PITPNA: variants seen among roughly 807,000 people sequenced by gnomAD.
PITPNA encodes phosphatidylinositol transfer protein alpha.
A neutral mutation model predicts 50.3 loss-of-function variants in PITPNA; 13 were observed. The ratio of observed to expected loss-of-function variants is 0.26; its 90% CI spans 0.17 to 0.41. The LOEUF (loss-of-function observed/expected upper bound fraction) is 0.41, where lower values mean the gene tolerates loss of function less well. Among genes scored for constraint, PITPNA ranks in the 10% least tolerant of loss-of-function variants. PITPNA has a pLI of 1.00. For synonymous variants in PITPNA, 120 were observed against 119.6 expected, an observed-to-expected ratio of 1.00 and a Z score of -0.02; for missense variants, 207 against 333.4, an observed-to-expected ratio of 0.62 and a Z score of 2.95.
chr17:1,532,230 G>A (rs926387877), intron 10 of PITPNA, among the ~76,000 whole-genome samples: 1 of 152,124 alleles, frequency 6.6e-6, no homozygotes. Context: ...TGGGATTACA[G>A]GTGTCCGCCA....
intron 10 of PITPNA, among the ~76,000 whole-genome samples, chr17:1,523,490 TGCCACCACGCCTG>T (rs1378046338): frequency 2.0e-5 from 3 of 147,404 alleles, no homozygotes; most frequent in South Asian, 4.3e-4. Flanking sequence ...TACAGGCATG[TGCCACCACGCCTG>T]GCTTTTTTTT....
chr17:1,529,016 T>C (rs1004106664), intron 10 of PITPNA, among the ~76,000 whole-genome samples: 18 of 151,142 alleles, frequency 1.2e-4, no homozygotes, highest in African/African-American at 4.1e-4. Context: ...CGCACACCTG[T>C]AATCCCAGCT....
At chr17:1,561,051 T>C (rs2075765396) in intron 1 of PITPNA, 1 of 152,342 alleles carries the variant, frequency 6.6e-6, no homozygotes, top group Admixed American at 6.5e-5. Flanking sequence ...TGCTCTCTGT[T>C]TGACCATCTC....
At chr17:1,553,183 G>A (rs746017727) in intron 2 of PITPNA, 34 bp from the exon 3 acceptor site, 69 of 1,611,066 alleles carry the variant, frequency 4.3e-5, no homozygotes, top group East Asian at 2.2e-4. Context: ...TTCTCAACAC[G>A]GACCCTTCTC....
chr17:1,560,021 T>C (rs780789564), intron 1 of PITPNA, among the ~76,000 whole-genome samples: 11 of 152,158 alleles, frequency 7.2e-5, no homozygotes, highest in Non-Finnish European at 1.2e-4. Context: ...AGAACAGCAG[T>C]CAAAATCACA....
chr17:1,561,375 C>G (rs2075767271), intron 1 of PITPNA: 1 of 152,272 alleles, frequency 6.6e-6, no homozygotes, highest in South Asian at 2.1e-4. Context: ...AGCTCCCCAC[C>G]CCTTCCACCA....
intron 1 of PITPNA, among the ~76,000 whole-genome samples, chr17:1,560,452 G>A (rs1453130954): frequency 6.6e-6 from 1 of 152,208 alleles, no homozygotes; most frequent in African/African-American, 2.4e-5. Flanking sequence ...GCACGAGTCG[G>A]GCAGGAAGGA....
Position 1,562,479 on chromosome 17 carries a change from C to T in PITPNA, c.20+62G>A. The T allele has an allele frequency of 3.7e-6, 5 of 1,343,066 alleles. No individual in the cohort carries two copies. The highest frequency in any genetic ancestry group is 2.6e-5 in the Admixed American group (1 of 38,360). The allele number at this position is 1,343,066 out of a possible 1,614,324, so 83.2% of individuals were successfully genotyped here. A position where few individuals can be genotyped will look rare whatever the true frequency, so the allele number is the denominator to read the frequency against. On this transcript the variant is annotated intron_variant, in intron 1 of 11. Coordinates refer to ENST00000313486, the MANE Select transcript of PITPNA (RefSeq NM_006224.4). The surrounding 1 kb of genome is among the most constrained non-coding windows in gnomAD (Gnocchi z 6.4). ...GGCCCTGCGTCCCTCGCCGCGCCGT[C>T]GCCCCGGCGGCCGTCCCCACCCTCC...
chr17:1,552,638 CAGA>C (rs768592607), intron 3 of PITPNA, among the ~76,000 whole-genome samples: 10 of 152,256 alleles, frequency 6.6e-5, no homozygotes, highest in African/African-American at 2.4e-4. Flanking sequence ...AAGATCTACA[CAGA>C]AGGAGTTTTA....
chr17:1,526,373 C>T (rs761716314), intron 10 of PITPNA, among the ~76,000 whole-genome samples: 3 of 152,178 alleles, frequency 2.0e-5, no homozygotes, highest in South Asian at 4.1e-4. Flanking sequence ...GGGTGAAGCG[C>T]GTGATTCTGG....
At position 1,535,248 on chromosome 17, in the gene PITPNA, G is replaced by C; in HGVS notation, c.579C>G (p.Tyr193Ter). ...ACTTGAACTTGACGGTCACCAGTTT[G>C]TATGCACACATATATGGGCAGTCCT... ...NQKDCPYMCAYKLVTVKFKWW... is the reference protein window; with the variant it reads ...NQKDCPYMCA Residue 193 changes from tyrosine (Y) to a stop codon, truncating the protein, a stop_gained, in exon 9 of 12, where the codon TAC (tyrosine) becomes TAG (stop). Coordinates refer to ENST00000313486, the MANE Select transcript of PITPNA (RefSeq NM_006224.4). LOFTEE classifies it high-confidence loss of function. The C allele has an allele frequency of 6.2e-7, 1 of 1,613,864 alleles. No individual in the cohort carries two copies. Among genetic ancestry groups the C allele is most frequent in the Non-Finnish European group, 8.5e-7 (1 of 1,179,712 alleles).
chr17:1,562,524 G>T lies in PITPNA; in HGVS notation c.20+17C>A. ...CCCTCCCTCCTCCCCGCTTCCGCACGGCCGCCGGACACTCACTACTCCTTG... is the reference window on the plus strand; with the variant it reads ...CCCTCCCTCCTCCCCGCTTCCGCACTGCCGCCGGACACTCACTACTCCTTG... On this transcript the variant is annotated intron_variant, in intron 1 of 11. Transcript: ENST00000313486. This position sits in a 1 kb window ranked among gnomAD's most constrained non-coding sequence, Gnocchi z 6.4. 1 of 1,384,808 alleles carries T rather than the reference G, an allele frequency of 7.2e-7. No homozygotes were observed. 85.8% of individuals were successfully genotyped at this position (1,384,808 alleles called of 1,614,324 possible). A position where few individuals can be genotyped will look rare whatever the true frequency, so the allele number is the denominator to read the frequency against.
chr17:1,553,301 C>T (rs1225171216), intron 2 of PITPNA, among the ~76,000 whole-genome samples, 152 bp from the exon 3 acceptor site: 3 of 152,228 alleles, frequency 2.0e-5, no homozygotes, highest in Non-Finnish European at 4.4e-5. Context: ...TGCCCAAACC[C>T]ACCCAAAGCA....
chr17:1,552,124 A>T (rs2075712965), intron 3 of PITPNA, among the ~76,000 whole-genome samples: 1 of 152,268 alleles, frequency 6.6e-6, no homozygotes, highest in Non-Finnish European at 1.5e-5. Context: ...AATTGATTTC[A>T]GTTCAGTTTA....
intron 10 of PITPNA, among the ~76,000 whole-genome samples, chr17:1,529,340 T>C (rs147029156): frequency 0.027 from 4,088 of 151,660 alleles, 105 homozygotes; most frequent in Non-Finnish European, 0.042. Context: ...CTGGCCAACA[T>C]GGTGAAACCC....
intron 9 of PITPNA, among the ~76,000 whole-genome samples, chr17:1,534,503 G>A (rs748771894): frequency 6.6e-6 from 1 of 152,134 alleles, no homozygotes; most frequent in East Asian, 1.9e-4. Context: ...AGCAGCCCAT[G>A]AACTCCTAGG....
chr17:1,538,835 T>TTTAG (rs748346477), intron 7 of PITPNA, 34 bp downstream of exon 7: 2 of 1,423,320 alleles, frequency 1.4e-6, no homozygotes, highest in Non-Finnish European at 2.0e-6. Context: ...TTTCTGCGTC[T>TTTAG]CGAAGGCCAC....
intron 6 of PITPNA, among the ~76,000 whole-genome samples, chr17:1,539,520 C>G (rs1041653457): frequency 6.7e-6 from 1 of 149,320 alleles, no homozygotes; most frequent in Non-Finnish European, 1.5e-5. Flanking sequence ...CTGAGTGATC[C>G]TCCTGTTACA....
At position 1,562,463 on chromosome 17, in the gene PITPNA, T is replaced by C. The variant is rs2075773511; in HGVS notation, c.20+78A>G. ...CCCCTCCGTCCATCCGGGCCCTGCGTCCCTCGCCGCGCCGTCGCCCCGGCG... is the reference window on the plus strand; with the variant it reads ...CCCCTCCGTCCATCCGGGCCCTGCGCCCCTCGCCGCGCCGTCGCCCCGGCG... On this transcript the variant is annotated intron_variant, in intron 1 of 11. Coordinates refer to ENST00000313486, the MANE Select transcript of PITPNA (RefSeq NM_006224.4). The surrounding 1 kb of genome is among the most constrained non-coding windows in gnomAD (Gnocchi z 6.4). The C allele has an allele frequency of 8.2e-7, 1 of 1,219,446 alleles. No individual in the cohort carries two copies. The allele number at this position is 1,219,446 out of a possible 1,614,324, so 75.5% of individuals were successfully genotyped here.
Sources: gnomAD v4.1 joint callset for allele counts (sites outside exome capture counted in the v4.1 genomes callset) on GRCh38, gnomAD v4.1.1 for gene constraint, Gnocchi (gnomAD v3.1) non-coding constraint, MANE v1.5 for transcripts, NCBI Gene and HGNC (gene_info 2026-07-23, HGNC 2026-07-21) for gene names.